ATXN7L1: variants seen among roughly 807,000 people sequenced by gnomAD.
ATXN7L1 encodes the protein ataxin-7-like protein 1.
A neutral mutation model predicts 70.8 loss-of-function variants in ATXN7L1; 15 were observed. The observed-to-expected ratio is 0.21, with a 90% CI of 0.14 to 0.33. The LOEUF (loss-of-function observed/expected upper bound fraction) is 0.33. ATXN7L1 is among the 10% of genes least tolerant of loss of function. ATXN7L1 has a pLI of 1.00. For synonymous variants in ATXN7L1, 440 were observed against 445.1 expected (o/e 0.99, Z 0.14); for missense variants, 975 against 1,097.1 (o/e 0.89, Z 1.57).
chr7:105,792,868 C>G (rs914268692), intron 2 of ATXN7L1, among the ~76,000 whole-genome samples: 1 of 152,186 alleles, frequency 6.6e-6, no homozygotes, highest in Admixed American at 6.5e-5. Flanking sequence ...AATGCCACCA[C>G]CTAGTGATAA....
At chr7:105,819,956 T>TGAAGGAGAAGAG (rs1262174199) in intron 2 of ATXN7L1, 3 of 486,366 alleles carry the variant, frequency 6.2e-6, no homozygotes, top group Non-Finnish European at 1.2e-5. Context: ...GCATCTACCC[T>TGAAGGAGAAGAG]GAAGGAGAAG....
chr7:105,623,950 A>C, intron 8 of ATXN7L1, 125 bp downstream of exon 8: 1 of 847,116 alleles, frequency 1.2e-6, no homozygotes, highest in Non-Finnish European at 1.6e-6. Context: ...ACTCATGGTA[A>C]GCCTTTTTGT....
chr7:105,831,190 A>T (rs908580496), intron 2 of ATXN7L1, among the ~76,000 whole-genome samples: 1 of 152,212 alleles, frequency 6.6e-6, no homozygotes, highest in African/African-American at 2.4e-5. Flanking sequence ...ACCCTGCCTG[A>T]CCAATGCATG....
chr7:105,677,960 T>C, intron 3 of ATXN7L1: 1 of 985,390 alleles, frequency 1.0e-6, no homozygotes, highest in Non-Finnish European at 1.2e-6. Context: ...CAGACTGTCG[T>C]GGTCCCACAG....
At chr7:105,629,728 G>C (rs1796307196) in intron 7 of ATXN7L1, among the ~76,000 whole-genome samples, 1 of 151,768 alleles carries the variant, frequency 6.6e-6, no homozygotes, top group South Asian at 2.1e-4. Flanking sequence ...ATGTTAACCA[G>C]GCTGGTCTCA....
intron 3 of ATXN7L1, among the ~76,000 whole-genome samples, chr7:105,687,479 G>C (rs537743358): frequency 1.7e-4 from 26 of 152,320 alleles, no homozygotes; most frequent in Non-Finnish European, 3.5e-4. Flanking sequence ...AATGGCACAA[G>C]TCCAGAGGGT....
chr7:105,698,217 C>T (rs1284992311), intron 3 of ATXN7L1, among the ~76,000 whole-genome samples: 1 of 152,176 alleles, frequency 6.6e-6, no homozygotes, highest in Admixed American at 6.6e-5. Flanking sequence ...CCTGGATTCA[C>T]AGGGACTAAG....
At chr7:105,703,819 C>A (rs886606406) in intron 3 of ATXN7L1, among the ~76,000 whole-genome samples, 3 of 152,176 alleles carry the variant, frequency 2.0e-5, no homozygotes, top group Non-Finnish European at 2.9e-5. Flanking sequence ...CTAGGGCGAA[C>A]CTTTCGTGTC....
chr7:105,778,599 C>T (rs1478249993), intron 3 of ATXN7L1, among the ~76,000 whole-genome samples: 1 of 150,526 alleles, frequency 6.6e-6, no homozygotes, highest in African/African-American at 2.4e-5. Context: ...TTGAACTGAA[C>T]CATTATATCT....
intron 4 of ATXN7L1, among the ~76,000 whole-genome samples, chr7:105,657,816 G>A (rs577107407): frequency 2.4e-3 from 359 of 151,248 alleles, no homozygotes; most frequent in Middle Eastern, 6.9e-3. Flanking sequence ...ATTTAAGAAC[G>A]GATACTTGAT....
chr7:105,785,439 C>T (rs1356916945), intron 3 of ATXN7L1, among the ~76,000 whole-genome samples: 1 of 152,034 alleles, frequency 6.6e-6, no homozygotes, highest in Non-Finnish European at 1.5e-5. Context: ...GCACTACAGT[C>T]TGGATGACAG....
chr7:105,696,169 A>T (rs17151220), intron 3 of ATXN7L1, among the ~76,000 whole-genome samples: 16,281 of 152,204 alleles, frequency 0.11, 908 homozygotes, highest in Non-Finnish European at 0.12. Context: ...CTTCACGTTG[A>T]CTGTTATGAA....
intron 2 of ATXN7L1, among the ~76,000 whole-genome samples, chr7:105,809,726 G>A (rs548445357): frequency 4.0e-5 from 6 of 151,492 alleles, no homozygotes; most frequent in Admixed American, 2.6e-4. Flanking sequence ...AAAGGGAGGT[G>A]AAGTGAGGTG....
chr7:105,722,363 A>G (rs1584830669), intron 3 of ATXN7L1, among the ~76,000 whole-genome samples: 1 of 151,932 alleles, frequency 6.6e-6, no homozygotes, highest in East Asian at 1.9e-4. Context: ...GGAGTTCAAG[A>G]CCAGCCTGGC....
At position 105,698,607 on chromosome 7, in the gene ATXN7L1, C is replaced by T. The variant is rs1488785527; in HGVS notation, c.356-33319G>A. ...TCCTGGGGTCAAGTGACCTGCCTGCCTCGGCCTCCCAAAGTGCTGAGATTA... is the reference window on the plus strand; with the variant it reads ...TCCTGGGGTCAAGTGACCTGCCTGCTTCGGCCTCCCAAAGTGCTGAGATTA... On this transcript the variant is annotated intron_variant, in intron 3 of 11. Coordinates refer to ENST00000419735, the MANE Select transcript of ATXN7L1 (RefSeq NM_020725.2). Among the ~76,000 whole-genome samples the T allele has an allele frequency of 2.0e-5, 3 of 152,356 alleles. No individual in the cohort carries two copies. The East Asian group carries it at 5.8e-4, about 29-fold the overall frequency.
intron 3 of ATXN7L1, among the ~76,000 whole-genome samples, chr7:105,676,114 G>C (rs564412531): frequency 6.6e-6 from 1 of 152,236 alleles, no homozygotes; most frequent in African/African-American, 2.4e-5. Flanking sequence ...AAGGCAAGCT[G>C]CTGCCCGAAG....
Position 105,626,233 on chromosome 7 carries a change from G to A in ATXN7L1, c.1203-1966C>T, listed in dbSNP as rs927635747. On this transcript the variant is annotated intron_variant, in intron 7 of 11. Coordinates refer to ENST00000419735, the MANE Select transcript of ATXN7L1 (RefSeq NM_020725.2). ...AATGAATGAAATTCTGCTACTATAT[G>A]AATGACACTTGAAAGCATCACACTA... Among the ~76,000 whole-genome samples, 4 of 152,284 alleles carry A rather than the reference G, an allele frequency of 2.6e-5. No individual in the cohort carries two copies. In the South Asian group the frequency reaches 8.3e-4, roughly 32 times the overall value.
At chr7:105,758,918 G>A (rs1800149140) in intron 3 of ATXN7L1, among the ~76,000 whole-genome samples, 2 of 152,110 alleles carry the variant, frequency 1.3e-5, no homozygotes, top group African/African-American at 4.8e-5. Context: ...ATGGAGACAG[G>A]CACGATTCTG....
intron 7 of ATXN7L1, among the ~76,000 whole-genome samples, chr7:105,631,735 A>G (rs1796630021): frequency 1.3e-5 from 2 of 152,324 alleles, no homozygotes; most frequent in East Asian, 3.9e-4. Flanking sequence ...CCAAAGTGCT[A>G]GGATTACAGG....
Sources: gnomAD v4.1 joint callset for allele counts (sites outside exome capture counted in the v4.1 genomes callset) on GRCh38, gnomAD v4.1.1 for gene constraint, MANE v1.5 for transcripts, NCBI Gene and HGNC (gene_info 2026-07-23, HGNC 2026-07-21) for gene names.